Variants in MEIOC observed in about 807,000 individuals in gnomAD.
MEIOC encodes the protein meiosis-specific coiled-coil domain-containing protein MEIOC.
MEIOC carries 9 observed loss-of-function variants against 85.3 expected under a neutral mutation model. The observed-to-expected ratio is 0.11, with a 90% CI of 0.06 to 0.18. The LOEUF (loss-of-function observed/expected upper bound fraction) is 0.18, where lower values mean the gene tolerates loss of function less well. MEIOC is among the 10% of genes least tolerant of loss of function. The pLI, the probability that MEIOC is intolerant of heterozygous loss-of-function variation, is 1.00. For missense variants in MEIOC, 898 were observed against 1,129.4 expected (o/e 0.80, Z 2.94); for synonymous variants, 365 against 393.7 (o/e 0.93, Z 0.86).
chr17:44,670,558 T>TTTTTTTTTTTTTTG, intron 6 of MEIOC: 1 of 144,884 alleles, frequency 6.9e-6, no homozygotes, highest in Non-Finnish European at 1.5e-5. Flanking sequence ...TTTTTTTTTT[T>TTTTTTTTTTTTTTG]GAGGCGGGTC....
chr17:44,667,796 T>C lies in MEIOC; in HGVS notation c.1885T>C (p.Leu629=). The change falls in exon 5 of 8, where the codon TTA becomes CTA. Residue 629 remains leucine (L), a synonymous_variant. Transcript: ENST00000409122. ...GGAAGGTCCAAAGCATTTAGATGGC[T>C]TATCACAAAATACATACCAAGATCT... ...PEEGPKHLDG[L]SQNTYQDLLE... 6.2e-7 allele frequency: 1 copy of C among 1,613,954 alleles called. No individual in the cohort carries two copies. Among genetic ancestry groups the C allele is most frequent in the Non-Finnish European group, 8.5e-7 (1 of 1,179,872 alleles).
At chr17:44,664,668 T>A (rs1030466875) in intron 3 of MEIOC, among the ~76,000 whole-genome samples, 3 of 152,214 alleles carry the variant, frequency 2.0e-5, no homozygotes, top group Non-Finnish European at 4.4e-5. Context: ...CAACCTGTAT[T>A]ACTTCAAGGA....
At chr17:44,669,557 T>C (rs1971968415) in intron 6 of MEIOC, 40 bp downstream of exon 6, 1 of 1,547,104 alleles carries the variant, frequency 6.5e-7, no homozygotes, top group African/African-American at 1.4e-5. Flanking sequence ...GGATTTTTTG[T>C]TAAATTTTTT....
intron 2 of MEIOC, among the ~76,000 whole-genome samples, chr17:44,660,489 G>A (rs927386228): frequency 1.5e-4 from 23 of 151,950 alleles, no homozygotes; most frequent in African/African-American, 5.3e-4. Context: ...GCCCACCTAG[G>A]CCTCCCAAAA....
At position 44,665,376 on chromosome 17, in the gene MEIOC, A is replaced by G; in HGVS notation, c.360-8A>G. On this transcript the variant is annotated splice_region_variant and splice_polypyrimidine_tract_variant and intron_variant, in intron 3 of 7. Transcript: ENST00000409122. ...ATTGTATTTCAGCACGAATTCATTT[A>G]TTTTTAGGATTCAAACAGAAAGAAA... The G allele has an allele frequency of 1.3e-6, 2 of 1,514,462 alleles. No homozygotes were observed. The highest frequency in any genetic ancestry group is 1.8e-6 in the Non-Finnish European group (2 of 1,120,632). 93.8% of individuals were successfully genotyped at this position (1,514,462 alleles called of 1,614,324 possible).
intron 7 of MEIOC, 164 bp downstream of exon 7, chr17:44,673,710 T>G: frequency 1.3e-6 from 1 of 749,434 alleles, no homozygotes; most frequent in South Asian, 2.0e-5. Context: ...GTATTTCCAT[T>G]TTATTAATTT....
intron 2 of MEIOC, among the ~76,000 whole-genome samples, chr17:44,660,725 C>A (rs1466018655): frequency 1.3e-5 from 2 of 151,846 alleles, no homozygotes; most frequent in Non-Finnish European, 2.9e-5. Flanking sequence ...TTAGCTTAAT[C>A]TTTTTTTGTT....
At chr17:44,670,377 G>A (rs2144673874) in intron 6 of MEIOC, 1 of 151,552 alleles carries the variant, frequency 6.6e-6, no homozygotes, top group South Asian at 2.1e-4. Context: ...CAAATTGGCA[G>A]TGGAGCTAAT....
At position 44,674,376 on chromosome 17, in the gene MEIOC, G is replaced by C; in HGVS notation, c.*180G>C. On this transcript the variant is annotated 3_prime_UTR_variant, in exon 8 of 8. Coordinates refer to ENST00000409122, the MANE Select transcript of MEIOC (RefSeq NM_001145080.3). ...TTCTATTTGAAGTGAATCCGATATA[G>C]TTTTAAGTAAACGCAAAGGTACAGT... The C allele has an allele frequency of 7.2e-7, 1 of 1,387,214 alleles. No homozygotes were observed. 85.9% of individuals were successfully genotyped at this position (1,387,214 alleles called of 1,614,324 possible).
chr17:44,666,582 A>G lies in MEIOC; in HGVS notation c.671A>G (p.His224Arg), dbSNP rs1016709838. ...LTPQQKIDELHHGFTGLDLEE... is the reference protein window; with the variant it reads ...LTPQQKIDELRHGFTGLDLEE... ...CCACAACAAAAAATAGATGAACTTCATCATGGATTTACTGGTTTAGATCTT... is the reference window on the plus strand; with the variant it reads ...CCACAACAAAAAATAGATGAACTTCGTCATGGATTTACTGGTTTAGATCTT... Residue 224 changes from histidine to arginine, a missense_variant, in exon 5 of 8, where the codon CAT becomes CGT. Physicochemically the swap from His to Arg is conservative, Grantham distance 29 (BLOSUM62 0). Coordinates refer to ENST00000409122, the MANE Select transcript of MEIOC (RefSeq NM_001145080.3). The G allele has an allele frequency of 1.1e-5, 17 of 1,610,620 alleles. No individual in the cohort carries two copies. Among genetic ancestry groups the G allele is most frequent in the African/African-American group, 4.0e-5 (3 of 74,908 alleles).
chr17:44,666,275 G>A (rs1971902010), intron 4 of MEIOC, 101 bp from the exon 5 acceptor site: 1 of 962,356 alleles, frequency 1.0e-6, no homozygotes, highest in Non-Finnish European at 1.5e-6. Flanking sequence ...ATGGTGACAT[G>A]GGGCAAGATA....
intron 6 of MEIOC, among the ~76,000 whole-genome samples, chr17:44,672,068 C>G (rs928013101): frequency 6.6e-5 from 10 of 152,198 alleles, no homozygotes; most frequent in Admixed American, 2.6e-4. Context: ...GCAACCTCTG[C>G]CTCGCGGGTT....
chr17:44,671,930 T>G (rs756643822), intron 6 of MEIOC, among the ~76,000 whole-genome samples: 18 of 152,136 alleles, frequency 1.2e-4, no homozygotes, highest in Non-Finnish European at 2.5e-4. Context: ...AAATTACTAT[T>G]TTCTAGTTTG....
chr17:44,662,132 A>G (rs1598725643), intron 2 of MEIOC, among the ~76,000 whole-genome samples, 185 bp from the exon 3 acceptor site: 3 of 152,196 alleles, frequency 2.0e-5, no homozygotes, highest in East Asian at 1.9e-4. Flanking sequence ...AATATTTACT[A>G]TTTGGCCTTT....
In MEIOC at chr17:44,666,597, G is replaced by A; in HGVS notation, c.686G>A (p.Gly229Asp). The A allele has an allele frequency of 6.2e-7, 1 of 1,610,882 alleles. No individual in the cohort carries two copies. Among genetic ancestry groups the A allele is most frequent in the Non-Finnish European group, 8.5e-7 (1 of 1,178,312 alleles). Residue 229 changes from glycine to aspartate, a missense_variant, in exon 5 of 8, where the codon GGT becomes GAT. Physicochemically the swap from Gly to Asp is moderately conservative, Grantham distance 94. This residue lies in a region of MEIOC where 734 missense variants were observed against 860.1 expected (regional missense o/e 0.85). Transcript: ENST00000409122. ...GATGAACTTCATCATGGATTTACTG[G>A]TTTAGATCTTGAAGAACAATGGATG... The part of the protein sequence containing the change: ...KIDELHHGFT[G>D]LDLEEQWMYP...
At chr17:44,656,756 A>AG in intron 1 of MEIOC, 74 bp downstream of exon 1, 1 of 975,616 alleles carries the variant, frequency 1.0e-6, no homozygotes, top group African/African-American at 2.2e-5. Flanking sequence ...GAGGCTGAGG[A>AG]GGGGGCGCGT....
At chr17:44,660,533 G>A (rs984443178) in intron 2 of MEIOC, among the ~76,000 whole-genome samples, 3 of 151,946 alleles carry the variant, frequency 2.0e-5, no homozygotes, top group Admixed American at 6.6e-5. Context: ...CACTGCGCCC[G>A]GCCAGAATTA....
Position 44,657,344 on chromosome 17 carries a change from G to T in MEIOC, c.204+83G>T, listed in dbSNP as rs908143047. 6 of 1,256,438 alleles carry T rather than the reference G, an allele frequency of 4.8e-6. No individual in the cohort carries two copies. In the African/African-American group the frequency reaches 9.2e-5, roughly 19 times the overall value. The allele number at this position is 1,256,438 out of a possible 1,614,324, so 77.8% of individuals were successfully genotyped here. ...GCCACCGATTCATAGGTGTTTAATG[G>T]CTCCACAGTTAAGGAAGAGAAAACC... is the stretch of plus-strand genomic sequence containing the variant. On this transcript the variant is annotated intron_variant, in intron 2 of 7. Transcript: ENST00000409122.
rs748644023 is a variant in MEIOC at position 44,667,030 on chromosome 17, G to C, written c.1119G>C (p.Gln373His). ...VEADTYTKLF[Q>H]VKPANQKKME... is the part of the protein sequence containing the mutation. Reference sequence around the variant, plus strand: ...CAGACACCTACACAAAGTTATTTCAGGTTAAGCCAGCGAATCAGAAAAAAA... The same window carrying C: ...CAGACACCTACACAAAGTTATTTCACGTTAAGCCAGCGAATCAGAAAAAAA... The change falls in exon 5 of 8, where the codon CAG (glutamine) becomes CAC (histidine). Residue 373 changes from glutamine (Q) to histidine (H), a missense_variant. Coordinates refer to ENST00000409122, the MANE Select transcript of MEIOC (RefSeq NM_001145080.3). The C allele has an allele frequency of 9.9e-6, 16 of 1,613,752 alleles. 1 individual carries two copies. The South Asian group carries it at 1.8e-4, about 18-fold the overall frequency.
Sources: allele counts gnomAD v4.1 joint callset (sites outside exome capture counted in the v4.1 genomes callset), GRCh38; gene constraint gnomAD v4.1.1; regional missense constraint gnomAD v4.1.1; transcripts MANE v1.5; gene names NCBI Gene and HGNC (gene_info 2026-07-23, HGNC 2026-07-21).